CNTNAP5: variants seen among roughly 807,000 people sequenced by gnomAD.
CNTNAP5 encodes the protein contactin-associated protein-like 5.
CNTNAP5 carries 72 observed loss-of-function variants against 150.2 expected under a neutral mutation model. The observed-to-expected ratio is 0.48, with a 90% CI of 0.40 to 0.58. CNTNAP5 has a LOEUF of 0.58. CNTNAP5 is among the 20% of genes least tolerant of loss of function. CNTNAP5 has a pLI of 0.00. For missense variants in CNTNAP5, 1,636 were observed against 1,626.2 expected, an observed-to-expected ratio of 1.01 and a Z score of -0.10; for synonymous variants, 672 against 619.8, an observed-to-expected ratio of 1.08 and a Z score of -1.25.
intron 19 of CNTNAP5, among the ~76,000 whole-genome samples, chr2:124,828,040 C>T (rs990939277): frequency 6.6e-6 from 1 of 152,260 alleles, no homozygotes; most frequent in Non-Finnish European, 1.5e-5. Flanking sequence ...GTGCCATGGA[C>T]AGGGATGTCA....
chr2:124,261,433 A>G (rs1314814288), intron 3 of CNTNAP5, among the ~76,000 whole-genome samples: 3 of 152,074 alleles, frequency 2.0e-5, no homozygotes, highest in African/African-American at 7.2e-5. Context: ...CCCAAAAGAG[A>G]GTGAGATTTG....
At chr2:124,368,099 C>G (rs1283520319) in intron 3 of CNTNAP5, among the ~76,000 whole-genome samples, 1 of 152,128 alleles carries the variant, frequency 6.6e-6, no homozygotes, top group Non-Finnish European at 1.5e-5. Context: ...CCCACACTAG[C>G]CCATGCGTTA....
At chr2:124,855,546 GA>G (rs1002520177) in intron 19 of CNTNAP5, among the ~76,000 whole-genome samples, 5 of 152,044 alleles carry the variant, frequency 3.3e-5, no homozygotes, top group Non-Finnish European at 7.4e-5. Context: ...TAAAAGTGTG[GA>G]AAACAGATTA....
chr2:124,332,086 AAC>A lies in CNTNAP5; in HGVS notation c.382-85355_382-85354del, dbSNP rs1010432724. On this transcript the variant is annotated intron_variant, in intron 3 of 23. Transcript: ENST00000682447. ...TTTAAGACATTTTACAACTTTTTTAAACAGATATATATGTTTTACTCATGTAA... is the reference window on the plus strand; with the variant it reads ...TTTAAGACATTTTACAACTTTTTTAAAGATATATATGTTTTACTCATGTAA... 2.6e-5 allele frequency among the ~76,000 whole-genome samples: 4 copies of A among 151,782 alleles called. No individual in the cohort carries two copies. The South Asian group carries it at 8.3e-4, about 31-fold the overall frequency.
chr2:124,586,762 C>T (rs886429648), intron 11 of CNTNAP5, among the ~76,000 whole-genome samples: 4 of 152,150 alleles, frequency 2.6e-5, no homozygotes, highest in African/African-American at 9.7e-5. Context: ...ATAGATCCTT[C>T]CAGGGCAACC....
At chr2:124,413,497 A>C (rs1691832549) in intron 3 of CNTNAP5, among the ~76,000 whole-genome samples, 1 of 135,008 alleles carries the variant, frequency 7.4e-6, no homozygotes, top group African/African-American at 2.8e-5. Context: ...TCCAACAATG[A>C]TAGACTGGAT....
chr2:124,325,366 C>T (rs551258812), intron 3 of CNTNAP5, among the ~76,000 whole-genome samples: 1 of 152,172 alleles, frequency 6.6e-6, no homozygotes, highest in East Asian at 1.9e-4. Flanking sequence ...CTTGAACAGA[C>T]TAAGACACAG....
chr2:124,106,934 A>G (rs1243679634), intron 1 of CNTNAP5, among the ~76,000 whole-genome samples: 1 of 151,502 alleles, frequency 6.6e-6, no homozygotes, highest in Admixed American at 6.6e-5. Context: ...TAGAGACTTG[A>G]AAATTGATTG....
chr2:124,183,527 T>C (rs766193468), intron 1 of CNTNAP5, among the ~76,000 whole-genome samples: 3 of 152,198 alleles, frequency 2.0e-5, no homozygotes, highest in Non-Finnish European at 4.4e-5. Context: ...TTGCACAAGG[T>C]TGAATAGCTT....
intron 19 of CNTNAP5, among the ~76,000 whole-genome samples, chr2:124,812,522 C>T (rs76681619): frequency 0.015 from 2,321 of 152,208 alleles, 47 homozygotes; most frequent in African/African-American, 0.054. Flanking sequence ...CATTTGACAT[C>T]AACCCAGACC....
chr2:124,583,006 A>C (rs1224581433), intron 11 of CNTNAP5, among the ~76,000 whole-genome samples: 1 of 152,164 alleles, frequency 6.6e-6, no homozygotes, highest in South Asian at 2.1e-4. Context: ...TTTTTTTTCC[A>C]GCTTGACACC....
chr2:124,042,280 A>C (rs1225811281), intron 1 of CNTNAP5, among the ~76,000 whole-genome samples: 4 of 152,216 alleles, frequency 2.6e-5, no homozygotes, highest in Non-Finnish European at 5.9e-5. Context: ...TGGCTATATA[A>C]ATTCCTTTTC....
At chr2:124,597,230 C>G (rs1387859125) in intron 11 of CNTNAP5, among the ~76,000 whole-genome samples, 3 of 149,148 alleles carry the variant, frequency 2.0e-5, no homozygotes, top group African/African-American at 7.4e-5. Context: ...GCAGTTTATT[C>G]CTAGTCTCGA....
At chr2:124,517,134 C>T (rs1369188811) in intron 8 of CNTNAP5, among the ~76,000 whole-genome samples, 2 of 150,430 alleles carry the variant, frequency 1.3e-5, no homozygotes, top group East Asian at 2.0e-4. Flanking sequence ...TGATGGAGTG[C>T]TGTGGTGTTG....
At chr2:124,616,370 G>A (rs1207347988) in intron 12 of CNTNAP5, among the ~76,000 whole-genome samples, 1 of 152,128 alleles carries the variant, frequency 6.6e-6, no homozygotes, top group Non-Finnish European at 1.5e-5. Context: ...TCCGGCCTCT[G>A]CTAGCTTCAA....
intron 10 of CNTNAP5, among the ~76,000 whole-genome samples, chr2:124,528,740 A>C (rs1050662240): frequency 1.3e-5 from 2 of 152,262 alleles, no homozygotes; most frequent in East Asian, 3.9e-4. Context: ...ATTTGGTTTC[A>C]TGCTCTTGGT....
At chr2:124,046,567 G>A (rs1475108183) in intron 1 of CNTNAP5, among the ~76,000 whole-genome samples, 1 of 152,118 alleles carries the variant, frequency 6.6e-6, no homozygotes, top group Non-Finnish European at 1.5e-5. Context: ...TCAGAAAGAA[G>A]GTGGCTGAAG....
At chr2:124,038,656 A>T (rs775090495) in intron 1 of CNTNAP5, among the ~76,000 whole-genome samples, 1 of 152,240 alleles carries the variant, frequency 6.6e-6, no homozygotes, top group Non-Finnish European at 1.5e-5. Flanking sequence ...ATATGATTTT[A>T]ATATGTAAAA....
intron 19 of CNTNAP5, among the ~76,000 whole-genome samples, chr2:124,827,041 CT>C (rs1257283967): frequency 6.6e-6 from 1 of 152,164 alleles, no homozygotes; most frequent in Non-Finnish European, 1.5e-5. Flanking sequence ...CCATTTCAGT[CT>C]CTTGAGTCGC....
Sources: gnomAD v4.1 joint callset for allele counts (sites outside exome capture counted in the v4.1 genomes callset) on GRCh38, gnomAD v4.1.1 for gene constraint, MANE v1.5 for transcripts, NCBI Gene and HGNC (gene_info 2026-07-23, HGNC 2026-07-21) for gene names.